The following STK32B variants were observed in gnomAD, a reference collection of about 807,000 sequenced individuals.
STK32B encodes the protein serine/threonine kinase 32B.
Under a neutral mutation model 52.6 loss-of-function variants are expected in STK32B, and 43 were observed. The observed-to-expected ratio is 0.82, with a 90% CI of 0.64 to 1.05. The LOEUF (loss-of-function observed/expected upper bound fraction) is 1.05, where lower values mean the gene tolerates loss of function less well. STK32B is among the 50% of genes least tolerant of loss of function. The pLI is 0.00. For missense variants in STK32B, 621 were observed against 534.6 expected, an observed-to-expected ratio of 1.16 and a Z score of -1.59; for synonymous variants, 238 against 204.3, an observed-to-expected ratio of 1.17 and a Z score of -1.41.
intron 1 of STK32B, among the ~76,000 whole-genome samples, chr4:5,086,452 A>G (rs909193610): frequency 4.6e-5 from 7 of 152,240 alleles, no homozygotes; most frequent in African/African-American, 1.4e-4. Context: ...AGAAATGAAC[A>G]AAGTCTTAGA....
rs578007907 is a variant in STK32B at position 5,094,484 on chromosome 4, C to T, written c.52+42569C>T. On this transcript the variant is annotated intron_variant, in intron 1 of 11. Transcript: ENST00000282908. ...CTTGAGCAATATAGCCAGATATTGT[C>T]TCTACAGAATATTTTAAAAACTAGG... is the stretch of plus-strand genomic sequence containing the variant. Among the ~76,000 whole-genome samples the T allele has an allele frequency of 2.0e-5, 3 of 152,142 alleles. No individual in the cohort carries two copies. In the South Asian group the frequency reaches 6.2e-4, roughly 32 times the overall value.
intron 1 of STK32B, among the ~76,000 whole-genome samples, chr4:5,068,914 T>C (rs1711589541): frequency 6.6e-6 from 1 of 152,164 alleles, no homozygotes; most frequent in Non-Finnish European, 1.5e-5. Context: ...TGTGCATGTG[T>C]ATGTGGCAAG....
Position 5,058,797 on chromosome 4 carries a change from A to T in STK32B, c.52+6882A>T, listed in dbSNP as rs1401093781. Among the ~76,000 whole-genome samples, 2 of 151,950 alleles carry T rather than the reference A, an allele frequency of 1.3e-5. No homozygotes were observed. The highest frequency in any genetic ancestry group is 2.9e-5 in the Non-Finnish European group (2 of 67,942). On this transcript the variant is annotated intron_variant, in intron 1 of 11. Transcript: ENST00000282908. This position sits in a 1 kb window ranked among gnomAD's most constrained non-coding sequence, Gnocchi z 4.8. Reference sequence around the variant, plus strand: ...AGAATCTCTCTCTCTGTCTCCCAGGATGGAGTGCAGTGGCGTGGTATCAGC... The same window carrying T: ...AGAATCTCTCTCTCTGTCTCCCAGGTTGGAGTGCAGTGGCGTGGTATCAGC...
intron 2 of STK32B, among the ~76,000 whole-genome samples, chr4:5,146,191 T>C (rs2108839948): frequency 6.6e-6 from 1 of 152,190 alleles, no homozygotes; most frequent in South Asian, 2.1e-4. Context: ...TTAAGGAGAA[T>C]TGCCTCACAT....
chr4:5,315,788 T>C (rs1730634856), intron 3 of STK32B, among the ~76,000 whole-genome samples: 1 of 150,374 alleles, frequency 6.7e-6, no homozygotes, highest in African/African-American at 2.4e-5. Context: ...CACTGCAACC[T>C]CTGCCTCCTG....
At chr4:5,179,500 TGATAGATGATATATTA>T (rs1168326380) in intron 3 of STK32B, among the ~76,000 whole-genome samples, 2 of 144,630 alleles carry the variant, frequency 1.4e-5, no homozygotes, top group African/African-American at 4.9e-5. Context: ...GATAGACAAA[TGATAGATGATATATTA>T]GATAGATGAT....
rs139125941 is a variant in STK32B at position 5,351,762 on chromosome 4, CAAAG to C, written c.434+20372_434+20375del. Among the ~76,000 whole-genome samples the C allele has an allele frequency of 9.9e-5, 15 of 151,848 alleles. No homozygotes were observed. In the East Asian group the frequency reaches 2.1e-3, roughly 22 times the overall value. ...GAAACCCAAATAAAATCAGAAATGA[CAAAG>C]AAGACATTACAACTGATAACACAGA... On this transcript the variant is annotated intron_variant, in intron 4 of 11. Coordinates refer to ENST00000282908, the MANE Select transcript of STK32B (RefSeq NM_018401.3).
chr4:5,047,258 T>C (rs1170869699), upstream of STK32B, among the ~76,000 whole-genome samples: 2 of 151,680 alleles, frequency 1.3e-5, no homozygotes, highest in African/African-American at 4.8e-5. Context: ...AAACACCACA[T>C]GTTCTCACTC....
At chr4:5,052,345 C>T (rs577343468) in intron 1 of STK32B, among the ~76,000 whole-genome samples, 1 of 152,144 alleles carries the variant, frequency 6.6e-6, no homozygotes, top group African/African-American at 2.4e-5. Flanking sequence ...TGTGCGCGTG[C>T]CCACGACGCA....
chr4:5,452,861 T>C (rs750966584), intron 7 of STK32B, among the ~76,000 whole-genome samples: 2 of 152,068 alleles, frequency 1.3e-5, no homozygotes, highest in Non-Finnish European at 2.9e-5. Context: ...ACTGCTAAAA[T>C]TGCTTTTACC....
intron 3 of STK32B, among the ~76,000 whole-genome samples, chr4:5,244,235 T>C (rs140968768): frequency 0.033 from 5,001 of 152,298 alleles, 270 homozygotes; most frequent in African/African-American, 0.11. Context: ...GGTAAGCTAT[T>C]ATTGCCACAA....
chr4:5,449,338 C>G (rs1715768234), intron 7 of STK32B, among the ~76,000 whole-genome samples: 1 of 152,160 alleles, frequency 6.6e-6, no homozygotes, highest in African/African-American at 2.4e-5. Flanking sequence ...GAGCAAGACT[C>G]TGTCTCACAT....
intron 5 of STK32B, among the ~76,000 whole-genome samples, chr4:5,404,278 G>A (rs986710619): frequency 1.4e-4 from 22 of 152,042 alleles, no homozygotes; most frequent in African/African-American, 5.1e-4. Context: ...CTTCTCCAGG[G>A]CCCTCTTCCA....
At chr4:5,390,570 T>C (rs195133) in intron 4 of STK32B, among the ~76,000 whole-genome samples, 151,439 of 152,242 alleles carry the variant, frequency 0.99, 75,328 homozygotes, top group East Asian at 1. Flanking sequence ...GGTCCCTCTG[T>C]CTCTGTCTTC....
intron 1 of STK32B, among the ~76,000 whole-genome samples, chr4:5,122,660 TTCAC>T (rs1326918564): frequency 6.6e-6 from 1 of 152,188 alleles, no homozygotes; most frequent in Non-Finnish European, 1.5e-5. Flanking sequence ...CATTCATTCA[TTCAC>T]TCATTCATTT....
intron 2 of STK32B, among the ~76,000 whole-genome samples, chr4:5,153,010 A>G (rs1471539400): frequency 2.0e-5 from 3 of 152,158 alleles, no homozygotes; most frequent in Non-Finnish European, 4.4e-5. Flanking sequence ...AGTATGATGG[A>G]TGTTATTATC....
rs545632897 is a variant in STK32B, at chr4:5,471,920, C to G, written c.1106+3850C>G. ...TGCTATACATGGTTTTAGCAAAAGC[C>G]TACTGGCTGCGGGATGCTCCCGGGG... On this transcript the variant is annotated intron_variant, in intron 11 of 11. Transcript: ENST00000282908. Among the ~76,000 whole-genome samples the G allele has an allele frequency of 3.9e-5, 6 of 152,324 alleles. No individual in the cohort carries two copies. In the South Asian group the frequency reaches 1.2e-3, roughly 32 times the overall value.
At chr4:5,235,338 C>T (rs902884994) in intron 3 of STK32B, among the ~76,000 whole-genome samples, 1 of 152,200 alleles carries the variant, frequency 6.6e-6, no homozygotes, top group Non-Finnish European at 1.5e-5. Context: ...AATCCCAGCT[C>T]CATCATTTAC....
intron 3 of STK32B, among the ~76,000 whole-genome samples, chr4:5,184,837 G>T (rs940305035): frequency 3.9e-5 from 6 of 152,164 alleles, no homozygotes; most frequent in African/African-American, 1.4e-4. Context: ...ACATGGCACC[G>T]ATGGATGTGC....
Sources: allele counts gnomAD v4.1 joint callset (sites outside exome capture counted in the v4.1 genomes callset), GRCh38; gene constraint gnomAD v4.1.1; non-coding constraint Gnocchi (gnomAD v3.1); transcripts MANE v1.5; gene names NCBI Gene and HGNC (gene_info 2026-07-23, HGNC 2026-07-21).